The following ROBO1 variants were observed in gnomAD, a reference collection of about 807,000 sequenced individuals.
The protein encoded by ROBO1 is roundabout guidance receptor 1.
In ROBO1, 149 loss-of-function variants were observed where a neutral mutation model predicts 195.9. The observed-to-expected ratio is 0.76, with a 90% CI of 0.67 to 0.87. The LOEUF (loss-of-function observed/expected upper bound fraction) is 0.87, where lower values mean the gene tolerates loss of function less well. ROBO1 is among the 40% of genes least tolerant of loss of function. The probability of loss-of-function intolerance (pLI) is 0.00; values close to 1 mark genes in which losing one functional copy is unlikely to be tolerated. For missense variants in ROBO1, 1,933 were observed against 2,068.3 expected (o/e 0.93, Z 1.27); for synonymous variants, 816 against 733.2 (o/e 1.11, Z -1.82).
intron 2 of ROBO1, among the ~76,000 whole-genome samples, chr3:79,274,147 T>C (rs1195722214): frequency 6.6e-6 from 1 of 151,920 alleles, no homozygotes; most frequent in African/African-American, 2.4e-5. Flanking sequence ...ACTTAATCTG[T>C]AGTATACATC....
chr3:78,854,968 G>T (rs947231509), intron 4 of ROBO1, among the ~76,000 whole-genome samples: 2 of 152,072 alleles, frequency 1.3e-5, no homozygotes, highest in Admixed American at 6.6e-5. Context: ...ATCTTGAAAA[G>T]GATGTGAGTT....
intron 2 of ROBO1, among the ~76,000 whole-genome samples, chr3:79,225,036 G>A (rs1430720905): frequency 7.2e-5 from 11 of 152,114 alleles, no homozygotes; most frequent in African/African-American, 2.4e-4. Context: ...TCTAAAGGCG[G>A]TAAAAGAGTG....
intron 2 of ROBO1, among the ~76,000 whole-genome samples, chr3:79,485,448 T>C (rs190267571): frequency 4.7e-4 from 71 of 152,274 alleles, no homozygotes; most frequent in Non-Finnish European, 3.4e-4. Context: ...AAACCATACA[T>C]AGTTCCTACA....
intron 4 of ROBO1, among the ~76,000 whole-genome samples, chr3:78,899,286 C>T (rs1381478903): frequency 1.3e-5 from 2 of 152,080 alleles, no homozygotes; most frequent in African/African-American, 2.4e-5. Flanking sequence ...ACTTCATGTA[C>T]CTCACAGCCA....
At chr3:79,355,706 C>A (rs2035524564) in intron 2 of ROBO1, among the ~76,000 whole-genome samples, 1 of 152,140 alleles carries the variant, frequency 6.6e-6, no homozygotes. Flanking sequence ...TAATGCCCTC[C>A]AGGTTCATCC....
intron 4 of ROBO1, among the ~76,000 whole-genome samples, chr3:78,842,199 T>TATATATATTTATATATATGAGCC (rs1232714711): frequency 0.015 from 1,176 of 78,000 alleles, 138 homozygotes; most frequent in Middle Eastern, 0.025. Flanking sequence ...ATATGAGCCA[T>TATATATATTTATATATATGAGCC]ATATATATTT....
At chr3:79,234,324 T>C (rs898924093) in intron 2 of ROBO1, among the ~76,000 whole-genome samples, 4 of 152,142 alleles carry the variant, frequency 2.6e-5, no homozygotes, top group Non-Finnish European at 5.9e-5. Flanking sequence ...TTTGAGGTCT[T>C]ACATTTAAAT....
chr3:78,998,871 A>AT (rs1309660743), intron 3 of ROBO1, among the ~76,000 whole-genome samples: 1 of 152,078 alleles, frequency 6.6e-6, no homozygotes. Context: ...AAAAGCATTT[A>AT]ATGGTTTCCT....
chr3:78,865,854 T>G (rs2035143907), intron 4 of ROBO1, among the ~76,000 whole-genome samples: 2 of 152,288 alleles, frequency 1.3e-5, no homozygotes, highest in Admixed American at 6.5e-5. Context: ...AGAGTTACAC[T>G]TTGCTAACTC....
At chr3:79,720,207 A>G (rs1702642501) in intron 1 of ROBO1, among the ~76,000 whole-genome samples, 2 of 152,306 alleles carry the variant, frequency 1.3e-5, no homozygotes, top group Middle Eastern at 3.4e-3. Context: ...AGGCTATGTC[A>G]TAAGAAGTTT....
At chr3:78,902,598 C>CA (rs1294058888) in intron 4 of ROBO1, among the ~76,000 whole-genome samples, 2 of 151,958 alleles carry the variant, frequency 1.3e-5, no homozygotes, top group Non-Finnish European at 2.9e-5. Context: ...CCTGTAATCC[C>CA]AGCACTTTGA....
At chr3:79,626,523 A>G (rs929177208) in intron 1 of ROBO1, among the ~76,000 whole-genome samples, 3 of 152,228 alleles carry the variant, frequency 2.0e-5, no homozygotes, top group Admixed American at 2.0e-4. Context: ...GCTATTTATG[A>G]CAAATGCACA....
intron 10 of ROBO1, among the ~76,000 whole-genome samples, chr3:78,672,257 CAACA>C (rs869238438): frequency 1.1e-4 from 16 of 151,436 alleles, no homozygotes; most frequent in Non-Finnish European, 1.8e-4. Flanking sequence ...ACAACAACAA[CAACA>C]AAAAAAACTA....
At chr3:79,281,743 A>G (rs1423787951) in intron 2 of ROBO1, among the ~76,000 whole-genome samples, 5 of 152,208 alleles carry the variant, frequency 3.3e-5, no homozygotes, top group Non-Finnish European at 5.9e-5. Flanking sequence ...GCAGTCATTC[A>G]TATTCATAAC....
intron 2 of ROBO1, among the ~76,000 whole-genome samples, chr3:79,209,229 G>A (rs1296640608): frequency 6.6e-6 from 1 of 152,110 alleles, no homozygotes; most frequent in Non-Finnish European, 1.5e-5. Context: ...ACTTACAAGT[G>A]AGAACATGTG....
chr3:78,775,245 C>T (rs1195216168), intron 4 of ROBO1, among the ~76,000 whole-genome samples: 1 of 152,124 alleles, frequency 6.6e-6, no homozygotes, highest in Non-Finnish European at 1.5e-5. Flanking sequence ...CAAACCTTGA[C>T]CAGTTATATC....
intron 2 of ROBO1, among the ~76,000 whole-genome samples, chr3:79,541,391 C>T (rs1041080557): frequency 3.3e-5 from 5 of 152,056 alleles, no homozygotes; most frequent in Non-Finnish European, 5.9e-5. Context: ...AACATGCCCC[C>T]CTCCCAGCGG....
intron 1 of ROBO1, among the ~76,000 whole-genome samples, chr3:79,691,514 A>G (rs1947297178): frequency 6.6e-6 from 1 of 151,670 alleles, no homozygotes; most frequent in African/African-American, 2.4e-5. Context: ...GCATTGAACA[A>G]TGCATTACTA....
At chr3:78,642,449 A>G (rs115252450) in intron 21 of ROBO1, among the ~76,000 whole-genome samples, 1,946 of 152,298 alleles carry the variant, frequency 0.013, 19 homozygotes, top group Non-Finnish European at 0.019. Flanking sequence ...TGAGCTATAA[A>G]GCCAAGGGCT....
Sources: gnomAD v4.1 joint callset for allele counts (sites outside exome capture counted in the v4.1 genomes callset) on GRCh38, gnomAD v4.1.1 for gene constraint, MANE v1.5 for transcripts, NCBI Gene and HGNC (gene_info 2026-07-23, HGNC 2026-07-21) for gene names.